The following DOCK8 variants were observed in gnomAD, a reference collection of about 807,000 sequenced individuals.
DOCK8 encodes the protein dedicator of cytokinesis 8.
A neutral mutation model predicts 245.6 loss-of-function variants in DOCK8; 141 were observed. The observed-to-expected ratio is 0.57, with a 90% CI of 0.50 to 0.66. The LOEUF is 0.66. DOCK8 is among the 30% of genes least tolerant of loss of function. The probability of loss-of-function intolerance (pLI) is 0.00; values close to 1 mark genes in which losing one functional copy is unlikely to be tolerated. For synonymous variants in DOCK8, 1,168 were observed against 970.2 expected, an observed-to-expected ratio of 1.20 and a Z score of -3.79; for missense variants, 2,965 against 2,603.4, an observed-to-expected ratio of 1.14 and a Z score of -3.02.
chr9:346,530 C>T (rs1021683119), intron 14 of DOCK8, among the ~76,000 whole-genome samples: 1 of 152,156 alleles, frequency 6.6e-6, no homozygotes, highest in African/African-American at 2.4e-5. Flanking sequence ...TTTCATCTCT[C>T]ACTTCAGCCC....
intron 46 of DOCK8, among the ~76,000 whole-genome samples, chr9:455,457 C>A (rs1285190029): frequency 6.6e-6 from 1 of 152,180 alleles, no homozygotes; most frequent in Non-Finnish European, 1.5e-5. Flanking sequence ...CTGCAATGAG[C>A]CATGATCGTG....
chr9:274,661 T>G (rs1214146338), intron 2 of DOCK8, among the ~76,000 whole-genome samples: 1 of 128,890 alleles, frequency 7.8e-6, no homozygotes, highest in Non-Finnish European at 1.7e-5. Context: ...TCCTTTTACC[T>G]TTAAAAAAAA....
At chr9:342,980 T>C (rs927676885) in intron 14 of DOCK8, among the ~76,000 whole-genome samples, 5 of 152,208 alleles carry the variant, frequency 3.3e-5, no homozygotes, top group Non-Finnish European at 5.9e-5. Context: ...GTAATACACA[T>C]TTCAGTCTTA....
intron 23 of DOCK8, 121 bp downstream of exon 23, chr9:386,547 C>A: frequency 1.3e-6 from 1 of 791,082 alleles, no homozygotes; most frequent in Non-Finnish European, 2.1e-6. Flanking sequence ...TGTGCTAACA[C>A]ACACACACCC....
At chr9:263,455 G>A (rs1289876824) in intron 1 of DOCK8, among the ~76,000 whole-genome samples, 1 of 151,964 alleles carries the variant, frequency 6.6e-6, no homozygotes, top group Non-Finnish European at 1.5e-5. Context: ...TTAATTCTAT[G>A]TATATTTTAA....
intron 37 of DOCK8, among the ~76,000 whole-genome samples, chr9:432,728 G>C (rs1030048376): frequency 6.6e-6 from 1 of 152,182 alleles, no homozygotes; most frequent in African/African-American, 2.4e-5. Flanking sequence ...ATTCCGCTAG[G>C]CAGGGGAAAA....
In DOCK8 at chr9:382,601, C is replaced by T. The variant is rs2053767106; in HGVS notation, c.2694C>T (p.Ala898=). The part of the protein sequence containing the change: ...AAAVSSKLLQ[A]RVMSSSNPDL... ...CTGTGAGTTCAAAGCTGCTGCAGGCCCGGGTGATGAGCAGCAGTAACCCAG... is the reference window on the plus strand; with the variant it reads ...CTGTGAGTTCAAAGCTGCTGCAGGCTCGGGTGATGAGCAGCAGTAACCCAG... The change falls in exon 22 of 48, where the codon GCC becomes GCT. Residue 898 remains alanine, a synonymous_variant. Coordinates refer to ENST00000432829, the MANE Select transcript of DOCK8 (RefSeq NM_203447.4). The T allele has an allele frequency of 1.2e-6, 2 of 1,614,022 alleles. No individual in the cohort carries two copies. Among genetic ancestry groups the T allele is most frequent in the Non-Finnish European group, 1.7e-6 (2 of 1,180,018 alleles).
intron 20 of DOCK8, 24 bp downstream of exon 20, chr9:377,235 G>C (rs1182752277): frequency 6.5e-7 from 1 of 1,550,362 alleles, no homozygotes; most frequent in Non-Finnish European, 8.7e-7. Flanking sequence ...GGGCTGGGCT[G>C]GGAGGAGGCA....
At chr9:269,763 G>A (rs768278026) in intron 1 of DOCK8, among the ~76,000 whole-genome samples, 2 of 151,912 alleles carry the variant, frequency 1.3e-5, no homozygotes, top group Non-Finnish European at 2.9e-5. Context: ...TCACCATGTT[G>A]GCCAGGCTGG....
At chr9:261,641 G>C (rs905818505) in intron 1 of DOCK8, among the ~76,000 whole-genome samples, 1 of 152,140 alleles carries the variant, frequency 6.6e-6, no homozygotes, top group Non-Finnish European at 1.5e-5. Flanking sequence ...TCATGTTCAA[G>C]CTCTGTGTAT....
At chr9:368,509 G>T in intron 15 of DOCK8, 1 of 571,412 alleles carries the variant, frequency 1.8e-6, no homozygotes, top group Non-Finnish European at 3.1e-6. Flanking sequence ...TACACACTGT[G>T]TTATACACAC....
At chr9:223,941 G>C (rs1297984764) in intron 1 of DOCK8, among the ~76,000 whole-genome samples, 1 of 152,004 alleles carries the variant, frequency 6.6e-6, no homozygotes, top group Admixed American at 6.6e-5. Context: ...AGCTTCTGGA[G>C]GGATCCAAAG....
At chr9:288,751 G>A (rs1184992777) in intron 3 of DOCK8, among the ~76,000 whole-genome samples, 1 of 152,130 alleles carries the variant, frequency 6.6e-6, no homozygotes, top group Non-Finnish European at 1.5e-5. Context: ...GATGAAGCTG[G>A]GATTTGGGCA....
At chr9:318,830 G>A (rs947302348) in intron 7 of DOCK8, among the ~76,000 whole-genome samples, 1 of 152,188 alleles carries the variant, frequency 6.6e-6, no homozygotes, top group Non-Finnish European at 1.5e-5. Context: ...GCCCCGACAG[G>A]ATGCATCATC....
intron 9 of DOCK8, among the ~76,000 whole-genome samples, chr9:332,020 G>T (rs12005494): frequency 6.6e-6 from 1 of 151,928 alleles, no homozygotes; most frequent in African/African-American, 2.4e-5. Context: ...ATGTCTCCTG[G>T]GTTTTGTTTT....
rs185313702 is a variant in DOCK8 at position 429,169 on chromosome 9, G to A, written c.4474-533G>A. 3.1e-4 allele frequency among the ~76,000 whole-genome samples: 47 copies of A among 152,258 alleles called. No individual in the cohort carries two copies. In the East Asian group the frequency reaches 7.5e-3, roughly 24 times the overall value. On this transcript the variant is annotated intron_variant, in intron 35 of 47. Coordinates refer to ENST00000432829, the MANE Select transcript of DOCK8 (RefSeq NM_203447.4). Reference sequence around the variant, plus strand: ...ATTAGTAGAGACAGGGTTTCACCATGTTGGCCAGGCTGGTCTTGAACTCCT... The same window carrying A: ...ATTAGTAGAGACAGGGTTTCACCATATTGGCCAGGCTGGTCTTGAACTCCT...
intron 1 of DOCK8, among the ~76,000 whole-genome samples, chr9:227,779 T>C (rs2047021886): frequency 6.6e-6 from 1 of 151,850 alleles, no homozygotes. Flanking sequence ...ATTTTCTGAA[T>C]GGAAAGTATA....
chr9:448,884 T>C (rs2057345409), intron 44 of DOCK8, among the ~76,000 whole-genome samples: 1 of 152,218 alleles, frequency 6.6e-6, no homozygotes, highest in Non-Finnish European at 1.5e-5. Context: ...GAAAAGACTC[T>C]ACCCCAAACC....
intron 14 of DOCK8, chr9:366,034 A>G (rs1330211469): frequency 5.2e-6 from 1 of 191,860 alleles, no homozygotes; most frequent in Non-Finnish European, 1.1e-5. Context: ...CTGAGTAGAA[A>G]CAGCCCTGCA....
Sources: gnomAD v4.1 joint callset for allele counts (sites outside exome capture counted in the v4.1 genomes callset) on GRCh38, gnomAD v4.1.1 for gene constraint, MANE v1.5 for transcripts, NCBI Gene and HGNC (gene_info 2026-07-23, HGNC 2026-07-21) for gene names.